Variants in THSD7A observed in about 807,000 individuals in gnomAD.
The protein encoded by THSD7A is thrombospondin type 1 domain containing 7A.
THSD7A carries 96 observed loss-of-function variants against 231.3 expected under a neutral mutation model. The ratio of observed to expected loss-of-function variants is 0.41; its 90% CI spans 0.35 to 0.49. The LOEUF (loss-of-function observed/expected upper bound fraction) is 0.49. THSD7A is among the 20% of genes least tolerant of loss of function. The probability of loss-of-function intolerance (pLI) is 0.05; values close to 1 mark genes in which losing one functional copy is unlikely to be tolerated. For synonymous variants in THSD7A, 940 were observed against 743.3 expected, an observed-to-expected ratio of 1.26 and a Z score of -4.30; for missense variants, 2,290 against 2,070.2, an observed-to-expected ratio of 1.11 and a Z score of -2.06.
chr7:11,634,858 C>G lies in THSD7A; in HGVS notation c.1022+1272G>C, dbSNP rs1562785672. On this transcript the variant is annotated intron_variant, in intron 2 of 27. Coordinates refer to ENST00000423059, the MANE Select transcript of THSD7A (RefSeq NM_015204.3). The surrounding 1 kb of genome is among the most constrained non-coding windows in gnomAD (Gnocchi z 4.1). ...GACAGACCAATCAATTTTTGTTTATCTAATTAAACTATATCCTTTTCCAAA... is the reference window on the plus strand; with the variant it reads ...GACAGACCAATCAATTTTTGTTTATGTAATTAAACTATATCCTTTTCCAAA... 6.6e-6 allele frequency among the ~76,000 whole-genome samples: 1 copy of G among 151,852 alleles called. No homozygotes were observed. Among genetic ancestry groups the G allele is most frequent in the African/African-American group, 2.4e-5 (1 of 41,322 alleles).
At position 11,446,375 on chromosome 7, in the gene THSD7A, A is replaced by T; in HGVS notation, c.2801-51T>A. The T allele has an allele frequency of 6.4e-7, 1 of 1,552,822 alleles. No homozygotes were observed. The highest frequency in any genetic ancestry group is 8.7e-7 in the Non-Finnish European group (1 of 1,149,568). ...TTTAAGTTGGAAAATACCATCATTA[A>T]TTTCACACATCCCTAAATTTTCTGC... On this transcript the variant is annotated intron_variant, in intron 12 of 27. Transcript: ENST00000423059. The surrounding 1 kb of genome is among the most constrained non-coding windows in gnomAD (Gnocchi z 4.0).
intron 6 of THSD7A, among the ~76,000 whole-genome samples, chr7:11,512,554 C>A (rs900100531): frequency 6.6e-6 from 1 of 151,960 alleles, no homozygotes. Context: ...CAATAATAGA[C>A]TGGATTAAGA....
At chr7:11,544,600 T>C (rs1789296967) in intron 4 of THSD7A, among the ~76,000 whole-genome samples, 1 of 152,198 alleles carries the variant, frequency 6.6e-6, no homozygotes, top group African/African-American at 2.4e-5. Flanking sequence ...CTATGTCTGT[T>C]TGTAATTTAA....
intron 13 of THSD7A, among the ~76,000 whole-genome samples, chr7:11,437,063 T>G (rs1255275958): frequency 6.6e-6 from 1 of 152,108 alleles, no homozygotes. Context: ...ATAGAACACT[T>G]TATTCCTAAA....
chr7:11,677,069 T>C lies in THSD7A; in HGVS notation c.191-40108A>G, dbSNP rs557782934. ...GCCCATCAGACTAACATTGGATCTC[T>C]CTGCAGAAATCCTACAAGCTAGAAG... On this transcript the variant is annotated intron_variant, in intron 1 of 27. Transcript: ENST00000423059. Among the ~76,000 whole-genome samples the C allele has an allele frequency of 4.6e-5, 7 of 152,316 alleles. No individual in the cohort carries two copies. The South Asian group carries it at 6.2e-4, about 14-fold the overall frequency.
intron 3 of THSD7A, among the ~76,000 whole-genome samples, chr7:11,592,297 T>C (rs1022159736): frequency 2.6e-5 from 4 of 152,204 alleles, no homozygotes; most frequent in African/African-American, 4.8e-5. Flanking sequence ...ATAGTAGTAG[T>C]AGTAATTTGC....
At chr7:11,543,178 T>C in intron 4 of THSD7A, 61 bp from the exon 5 acceptor site, 3 of 1,481,838 alleles carry the variant, frequency 2.0e-6, no homozygotes, top group Admixed American at 1.9e-5. Context: ...TGGCCAACAA[T>C]ATGATTTTTC....
intron 1 of THSD7A, among the ~76,000 whole-genome samples, chr7:11,783,432 A>G (rs1248131698): frequency 6.6e-6 from 1 of 152,154 alleles, no homozygotes; most frequent in Non-Finnish European, 1.5e-5. Context: ...TCACCATTGT[A>G]AAGTCAAAAA....
Position 11,498,769 on chromosome 7 carries a change from G to A in THSD7A, c.1823-16787C>T, listed in dbSNP as rs554488913. ...ACTTCCCTGGGACAAAGCTCCTAGAGGGAGAGAGAGGATGCCATCTTTGCT... is the reference window on the plus strand; with the variant it reads ...ACTTCCCTGGGACAAAGCTCCTAGAAGGAGAGAGAGGATGCCATCTTTGCT... On this transcript the variant is annotated intron_variant, in intron 6 of 27. Transcript: ENST00000423059. Among the ~76,000 whole-genome samples the A allele has an allele frequency of 2.6e-5, 4 of 152,278 alleles. No homozygotes were observed. In the South Asian group the frequency reaches 6.2e-4, roughly 24 times the overall value.
intron 2 of THSD7A, among the ~76,000 whole-genome samples, chr7:11,599,296 G>C (rs372599833): frequency 6.6e-6 from 1 of 152,172 alleles, no homozygotes; most frequent in Non-Finnish European, 1.5e-5. Context: ...ACTCCACCAG[G>C]AAAAATACCA....
chr7:11,514,883 C>A (rs1021936647), intron 6 of THSD7A, among the ~76,000 whole-genome samples: 1 of 152,072 alleles, frequency 6.6e-6, no homozygotes, highest in Non-Finnish European at 1.5e-5. Flanking sequence ...AAACTAAGAA[C>A]CACTAATATT....
At chr7:11,469,571 C>T (rs569606960) in intron 9 of THSD7A, among the ~76,000 whole-genome samples, 4 of 152,240 alleles carry the variant, frequency 2.6e-5, no homozygotes, top group South Asian at 4.2e-4. Flanking sequence ...TTTTGAAATA[C>T]ATATACCACG....
rs902349709 is a variant in THSD7A, at chr7:11,744,659, T to C, written c.190+87098A>G. Among the ~76,000 whole-genome samples the C allele has an allele frequency of 1.4e-5, 2 of 145,736 alleles. 1 individual carries two copies. The highest frequency in any genetic ancestry group is 3.0e-5 in the Non-Finnish European group (2 of 66,658). On this transcript the variant is annotated intron_variant, in intron 1 of 27. Coordinates refer to ENST00000423059, the MANE Select transcript of THSD7A (RefSeq NM_015204.3). ...TTCCTGTGTCCATGTGTTCTCATTG[T>C]TCAATTCCCACCTATGAGTGAGAAC...
At chr7:11,681,571 T>A (rs1783871614) in intron 1 of THSD7A, among the ~76,000 whole-genome samples, 1 of 152,010 alleles carries the variant, frequency 6.6e-6, no homozygotes, top group Non-Finnish European at 1.5e-5. Context: ...AAAATAATTT[T>A]TTTTTAAGAA....
At chr7:11,549,805 C>A (rs1302989089) in intron 4 of THSD7A, among the ~76,000 whole-genome samples, 1 of 152,012 alleles carries the variant, frequency 6.6e-6, no homozygotes, top group Non-Finnish European at 1.5e-5. Context: ...GGAAAAATAT[C>A]TAATATATGT....
Position 11,447,237 on chromosome 7 carries a change from A to G in THSD7A, c.2793T>C (p.Thr931=). 6.2e-7 allele frequency: 1 copy of G among 1,612,954 alleles called. No individual in the cohort carries two copies. The highest frequency in any genetic ancestry group is 8.5e-7 in the Non-Finnish European group (1 of 1,179,344). The change falls in exon 12 of 28, where the codon ACT becomes ACC. Residue 931 remains threonine (T), a synonymous_variant. Transcript: ENST00000423059. ...DCGAVRTRKR[T]LVGKSKKKEK... is the part of the protein sequence containing the mutation. Reference sequence around the variant, plus strand: ...CATCCCAATTATTCTTACCAACAAGAGTGCGCTTTCTGGTCCTAACTGCAC... The same window carrying G: ...CATCCCAATTATTCTTACCAACAAGGGTGCGCTTTCTGGTCCTAACTGCAC...
intron 2 of THSD7A, among the ~76,000 whole-genome samples, chr7:11,615,238 C>T (rs192420071): frequency 6.6e-6 from 1 of 152,322 alleles, no homozygotes; most frequent in African/African-American, 2.4e-5. Flanking sequence ...CATGATCACC[C>T]TGACTTGAAG....
chr7:11,459,627 G>A (rs7793779), intron 11 of THSD7A, among the ~76,000 whole-genome samples: 27,476 of 96,648 alleles, frequency 0.28, 3,779 homozygotes, highest in African/African-American at 0.44. Context: ...TTATGTTCCA[G>A]AAGAAGACTT....
chr7:11,433,825 T>C (rs573543472), intron 13 of THSD7A, among the ~76,000 whole-genome samples: 2 of 152,112 alleles, frequency 1.3e-5, no homozygotes, highest in African/African-American at 4.8e-5. Context: ...ATTCACGTTG[T>C]GTTATTAAGG....
Sources: gnomAD v4.1 joint callset for allele counts (sites outside exome capture counted in the v4.1 genomes callset) on GRCh38, gnomAD v4.1.1 for gene constraint, Gnocchi (gnomAD v3.1) non-coding constraint, MANE v1.5 for transcripts, NCBI Gene and HGNC (gene_info 2026-07-23, HGNC 2026-07-21) for gene names.